Variants in PAX3 observed in about 807,000 individuals in gnomAD.
PAX3 encodes the protein paired box protein Pax-3.
Under a neutral mutation model 51.6 loss-of-function variants are expected in PAX3, and 14 were observed. The ratio of observed to expected loss-of-function variants is 0.27; its 90% CI spans 0.18 to 0.42. The LOEUF (loss-of-function observed/expected upper bound fraction) is 0.42. Ranked by LOEUF, PAX3 falls within the 10% of genes least tolerant of loss-of-function variation. The pLI is 1.00. For missense variants in PAX3, 540 were observed against 642.8 expected, an observed-to-expected ratio of 0.84 and a Z score of 1.73; for synonymous variants, 280 against 253.4, an observed-to-expected ratio of 1.11 and a Z score of -1.00.
chr2:222,293,035 G>A (rs1695101632), intron 4 of PAX3, among the ~76,000 whole-genome samples: 1 of 152,220 alleles, frequency 6.6e-6, no homozygotes, highest in Non-Finnish European at 1.5e-5. Flanking sequence ...GATAAAAGAA[G>A]TCCCACTTGG....
chr2:222,208,013 A>T (rs1457827467), intron 7 of PAX3, among the ~76,000 whole-genome samples: 1 of 151,492 alleles, frequency 6.6e-6, no homozygotes, highest in African/African-American at 2.4e-5. Context: ...GTATATATAT[A>T]TATATATAAC....
chr2:222,266,358 T>C (rs942141799), intron 4 of PAX3, among the ~76,000 whole-genome samples: 2 of 152,234 alleles, frequency 1.3e-5, no homozygotes, highest in Non-Finnish European at 2.9e-5. Flanking sequence ...GAGAAGAACT[T>C]GGCACCCCTG....
chr2:222,203,443 A>G (rs951254395), intron 7 of PAX3, among the ~76,000 whole-genome samples: 12 of 152,138 alleles, frequency 7.9e-5, no homozygotes, highest in Non-Finnish European at 1.3e-4. Flanking sequence ...CAACATTTCC[A>G]TAACAGTCCT....
At position 222,265,691 on chromosome 2, in the gene PAX3, G is replaced by GAAGGAAGGGAGAGAGA. The variant is rs1553583540; in HGVS notation, c.586+28475_586+28476insTCTCTCTCCCTTCCTT. Among the ~76,000 whole-genome samples, 276 of 141,418 alleles carry GAAGGAAGGGAGAGAGA rather than the reference G, an allele frequency of 2.0e-3. 4 individuals are homozygous for GAAGGAAGGGAGAGAGA. The highest frequency in any genetic ancestry group is 7.8e-3 in the East Asian group (35 of 4,510). The allele number at this position is 141,418 out of a possible 152,430, so 92.8% of individuals were successfully genotyped here. ...GGAAGGAAGGAAGGAAGGAAGGAAGGGAGAAAGATTGATTTTGATTTTTCC... is the reference window on the plus strand; with the variant it reads ...GGAAGGAAGGAAGGAAGGAAGGAAGGAAGGAAGGGAGAGAGAGAGAAAGATTGATTTTGATTTTTCC... On this transcript the variant is annotated intron_variant, in intron 4 of 8. Transcript: ENST00000392070.
intron 4 of PAX3, among the ~76,000 whole-genome samples, chr2:222,277,821 C>T (rs1181829800): frequency 6.6e-6 from 1 of 151,706 alleles, no homozygotes; most frequent in Admixed American, 6.6e-5. Context: ...GTAGTCCCAG[C>T]TACTCGGGAG....
Position 222,222,489 on chromosome 2 carries a change from C to T in PAX3, c.793-1102G>A, listed in dbSNP as rs1246500279. The stretch of plus-strand genomic sequence containing the variant: ...CGGGATCTCAGTTCAACCCAACCTC[C>T]GCCTCCCAGGTTCAAGGGATTCTCT... On this transcript the variant is annotated intron_variant, in intron 5 of 8. Transcript: ENST00000392070. Among the ~76,000 whole-genome samples the T allele has an allele frequency of 2.6e-5, 4 of 151,996 alleles. No homozygotes were observed. In the East Asian group the frequency reaches 5.8e-4, roughly 22 times the overall value.
At chr2:222,286,287 C>T (rs190439811) in intron 4 of PAX3, among the ~76,000 whole-genome samples, 110 of 152,322 alleles carry the variant, frequency 7.2e-4, no homozygotes, top group Admixed American at 2.4e-3. Context: ...GTCCAAGATG[C>T]GTGGGGAATT....
chr2:222,230,559 T>C (rs1214943794), intron 5 of PAX3, among the ~76,000 whole-genome samples: 1 of 151,990 alleles, frequency 6.6e-6, no homozygotes, highest in Non-Finnish European at 1.5e-5. Context: ...ACTTAAAGTA[T>C]AATTTTTTAA....
intron 4 of PAX3, chr2:222,293,623 A>T: frequency 1.2e-6 from 2 of 1,613,164 alleles, no homozygotes; most frequent in Non-Finnish European, 1.7e-6. Flanking sequence ...AACTTCAAAC[A>T]AATCAAACCA....
chr2:222,260,368 A>C (rs1377119700), intron 4 of PAX3, among the ~76,000 whole-genome samples: 1 of 152,032 alleles, frequency 6.6e-6, no homozygotes, highest in African/African-American at 2.4e-5. Flanking sequence ...ACCTTTCTCA[A>C]AAAGAAAACA....
At chr2:222,293,067 G>A (rs938504555) in intron 4 of PAX3, among the ~76,000 whole-genome samples, 1 of 152,158 alleles carries the variant, frequency 6.6e-6, no homozygotes, top group African/African-American at 2.4e-5. Context: ...GTAAGGGCTC[G>A]GACCCAGCTA....
intron 4 of PAX3, among the ~76,000 whole-genome samples, chr2:222,269,305 C>T (rs1176098393): frequency 6.6e-6 from 1 of 152,172 alleles, no homozygotes; most frequent in African/African-American, 2.4e-5. Context: ...GGCCCAGGTT[C>T]GTCCCTACCC....
At chr2:222,227,435 T>C (rs1692426566) in intron 5 of PAX3, among the ~76,000 whole-genome samples, 1 of 151,946 alleles carries the variant, frequency 6.6e-6, no homozygotes, top group Non-Finnish European at 1.5e-5. Context: ...ATCTCTACAA[T>C]ACAAAAATTA....
At chr2:222,213,635 C>A (rs745480383) in intron 7 of PAX3, among the ~76,000 whole-genome samples, 2 of 152,160 alleles carry the variant, frequency 1.3e-5, no homozygotes, top group Non-Finnish European at 2.9e-5. Context: ...TTGTTTGACA[C>A]CCAACAAATT....
At chr2:222,224,984 T>C (rs1692331106) in intron 5 of PAX3, among the ~76,000 whole-genome samples, 1 of 152,150 alleles carries the variant, frequency 6.6e-6, no homozygotes, top group Non-Finnish European at 1.5e-5. Flanking sequence ...AAGTTGGCTA[T>C]ACACCTTTAA....
At chr2:222,247,765 A>G (rs1693281382) in intron 4 of PAX3, among the ~76,000 whole-genome samples, 1 of 152,140 alleles carries the variant, frequency 6.6e-6, no homozygotes, top group South Asian at 2.1e-4. Flanking sequence ...AGGTGGACTC[A>G]TAATTGGGCC....
intron 4 of PAX3, among the ~76,000 whole-genome samples, chr2:222,283,949 G>C (rs1475141686): frequency 6.6e-6 from 1 of 152,342 alleles, no homozygotes; most frequent in East Asian, 1.9e-4. Context: ...TTACTAGCCA[G>C]GCTATTTTCT....
chr2:222,203,596 C>T (rs1386530442), intron 7 of PAX3, among the ~76,000 whole-genome samples: 1 of 152,090 alleles, frequency 6.6e-6, no homozygotes, highest in Non-Finnish European at 1.5e-5. Flanking sequence ...GGCAATAGAA[C>T]CTCGGATCTA....
intron 5 of PAX3, among the ~76,000 whole-genome samples, chr2:222,227,313 G>C (rs2106086072): frequency 6.6e-6 from 1 of 152,238 alleles, no homozygotes; most frequent in African/African-American, 2.4e-5. Context: ...AAATATTTGG[G>C]CCAGACATAG....
Sources: gnomAD v4.1 joint callset for allele counts (sites outside exome capture counted in the v4.1 genomes callset) on GRCh38, gnomAD v4.1.1 for gene constraint, MANE v1.5 for transcripts, NCBI Gene and HGNC (gene_info 2026-07-23, HGNC 2026-07-21) for gene names.